The following PCDH15 variants were observed in gnomAD, a reference collection of about 807,000 sequenced individuals.
The protein encoded by PCDH15 is protocadherin-15.
In PCDH15, 129 loss-of-function variants were observed where a neutral mutation model predicts 178.5. The observed-to-expected ratio is 0.72, with a 90% CI of 0.63 to 0.84. The LOEUF (loss-of-function observed/expected upper bound fraction) is 0.84. Ranked by LOEUF, PCDH15 falls within the 40% of genes least tolerant of loss-of-function variation. PCDH15 has a pLI of 0.00. For synonymous variants in PCDH15, 800 were observed against 732.0 expected (o/e 1.09, Z -1.50); for missense variants, 2,230 against 2,099.9 (o/e 1.06, Z -1.21).
intron 21 of PCDH15, among the ~76,000 whole-genome samples, chr10:53,964,375 A>ATTT (rs1564875991): frequency 6.7e-6 from 1 of 148,634 alleles, no homozygotes; most frequent in Non-Finnish European, 1.5e-5. Context: ...TTTATAAAAA[A>ATTT]ATTTATTTAT....
intron 10 of PCDH15, among the ~76,000 whole-genome samples, chr10:54,202,188 C>T (rs1204132561): frequency 1.3e-5 from 2 of 152,094 alleles, no homozygotes; most frequent in Non-Finnish European, 2.9e-5. Context: ...ACTGTGTGTA[C>T]TCTTCCAGTC....
intron 2 of PCDH15, among the ~76,000 whole-genome samples, chr10:55,547,839 G>A (rs1841916982): frequency 6.7e-6 from 1 of 150,290 alleles, no homozygotes; most frequent in Non-Finnish European, 1.5e-5. Context: ...CTGCTACCTT[G>A]ATATCACTCT....
chr10:54,737,193 G>A lies in PCDH15; in HGVS notation c.-29+63732C>T, dbSNP rs117205289. Among the ~76,000 whole-genome samples, 955 of 152,112 alleles carry A rather than the reference G, an allele frequency of 6.3e-3. 5 individuals are homozygous for A. The highest frequency in any genetic ancestry group is 0.014 in the Middle Eastern group (4 of 294). On this transcript the variant is annotated intron_variant, in intron 1 of 37. Coordinates refer to ENST00000644397, the MANE Select transcript of PCDH15 (RefSeq NM_001384140.1). Reference sequence around the variant, plus strand: ...AACTGGCCAGAGGTCACTCATATTCGTTGCTCCAGGTGCTGGCGCTGACCC... The same window carrying A: ...AACTGGCCAGAGGTCACTCATATTCATTGCTCCAGGTGCTGGCGCTGACCC...
chr10:53,965,870 T>A (rs1227627142), intron 21 of PCDH15, among the ~76,000 whole-genome samples: 2 of 151,396 alleles, frequency 1.3e-5, no homozygotes, highest in Non-Finnish European at 2.9e-5. Flanking sequence ...AAAGCCAAAA[T>A]TTTTTTTTGC....
rs532553838 is a variant in PCDH15 at position 53,806,471 on chromosome 10, T to C, written c.*108A>G. On this transcript the variant is annotated 3_prime_UTR_variant, in exon 38 of 38. Coordinates refer to ENST00000644397, the MANE Select transcript of PCDH15 (RefSeq NM_001384140.1). ...AAAGCATATTGTTCAAAGTTTTAGC[T>C]TGTGTGCATGATATAAATTCCATAC... 8 of 942,626 alleles carry C rather than the reference T, an allele frequency of 8.5e-6. No homozygotes were observed. The highest frequency in any genetic ancestry group is 1.9e-5 in the South Asian group (1 of 53,078). The allele number at this position is 942,626 out of a possible 1,614,324, so 58.4% of individuals were successfully genotyped here.
At chr10:53,811,441 G>T in intron 36 of PCDH15, 108 bp downstream of exon 36, 1 of 646,366 alleles carries the variant, frequency 1.5e-6, no homozygotes, top group Non-Finnish European at 2.5e-6. Context: ...ATACTAGTGA[G>T]ATCGACATGA....
rs566444853 is a variant in PCDH15 at position 54,960,282 on chromosome 10, T to C, written c.-79-62782A>G. 2.6e-5 allele frequency among the ~76,000 whole-genome samples: 4 copies of C among 152,260 alleles called. No homozygotes were observed. In the East Asian group the frequency reaches 5.8e-4, roughly 22 times the overall value. Reference sequence around the variant, plus strand: ...ATTACATATAATATAGAAATAAAAATACCAGGCTGACTTACCTCAAGAGTC... The same window carrying C: ...ATTACATATAATATAGAAATAAAAACACCAGGCTGACTTACCTCAAGAGTC... On this transcript the variant is annotated intron_variant, in intron 2 of 5. Transcript: ENST00000458638.
intron 3 of PCDH15, among the ~76,000 whole-genome samples, chr10:54,420,404 C>T (rs924118240): frequency 3.3e-5 from 5 of 152,002 alleles, no homozygotes; most frequent in African/African-American, 4.8e-5. Flanking sequence ...TATAAATGTC[C>T]TTAAGCAAGA....
At chr10:53,957,347 C>T (rs932994074) in intron 23 of PCDH15, among the ~76,000 whole-genome samples, 4 of 152,044 alleles carry the variant, frequency 2.6e-5, no homozygotes, top group African/African-American at 9.7e-5. Context: ...TTATATCCGT[C>T]CTGTTCTTGA....
At chr10:54,122,491 G>A (rs142804099) in intron 15 of PCDH15, among the ~76,000 whole-genome samples, 2 of 151,882 alleles carry the variant, frequency 1.3e-5, no homozygotes, top group African/African-American at 4.8e-5. Context: ...CTCCTATTCA[G>A]GACAACACTG....
chr10:55,257,540 A>T (rs1842031062), intron 1 of PCDH15, among the ~76,000 whole-genome samples: 1 of 152,232 alleles, frequency 6.6e-6, no homozygotes, highest in African/African-American at 2.4e-5. Context: ...GACCTGATGG[A>T]GCTGAAAACT....
chr10:55,464,489 G>A (rs1364956729), intron 2 of PCDH15, among the ~76,000 whole-genome samples: 1 of 151,896 alleles, frequency 6.6e-6, no homozygotes, highest in African/African-American at 2.4e-5. Flanking sequence ...GTCCACCGAG[G>A]AGGTTTTAGC....
At chr10:55,368,676 A>G (rs1845423480) in intron 2 of PCDH15, among the ~76,000 whole-genome samples, 1 of 152,128 alleles carries the variant, frequency 6.6e-6, no homozygotes, top group African/African-American at 2.4e-5. Context: ...TGCCATATCT[A>G]CACAGTAAGA....
In PCDH15 at chr10:53,903,228, C is replaced by T. The variant is rs765864597; in HGVS notation, c.3501+15G>A. 10 of 1,611,816 alleles carry T rather than the reference C, an allele frequency of 6.2e-6. No individual in the cohort carries two copies. Among genetic ancestry groups the T allele is most frequent in the Non-Finnish European group, 8.5e-6 (10 of 1,178,878 alleles). On this transcript the variant is annotated intron_variant, in intron 26 of 37. Transcript: ENST00000644397. ...CTTTTACTTTAGTTCTGTATATTAA[C>T]ATAATTCCGCATACCTTCACTCTGA...
At chr10:54,867,087 C>T (rs143914077) in intron 3 of PCDH15, among the ~76,000 whole-genome samples, 108 of 152,178 alleles carry the variant, frequency 7.1e-4, no homozygotes, top group African/African-American at 2.4e-3. Context: ...ATAACAACTG[C>T]GGCTACCCAC....
chr10:54,918,912 T>C (rs923651726), intron 2 of PCDH15, among the ~76,000 whole-genome samples: 1 of 152,136 alleles, frequency 6.6e-6, no homozygotes, highest in African/African-American at 2.4e-5. Context: ...GAGCCTAACA[T>C]ACCTTAAACA....
intron 2 of PCDH15, among the ~76,000 whole-genome samples, chr10:54,610,624 CTT>C (rs1054496785): frequency 6.6e-6 from 1 of 151,874 alleles, no homozygotes; most frequent in Non-Finnish European, 1.5e-5. Flanking sequence ...AATATTCTGT[CTT>C]AGACTACTTA....
At chr10:55,412,401 C>G (rs575151889) in intron 2 of PCDH15, among the ~76,000 whole-genome samples, 1 of 151,882 alleles carries the variant, frequency 6.6e-6, no homozygotes, top group African/African-American at 2.4e-5. Context: ...GAAACTGTAC[C>G]TAGAATGCTT....
chr10:54,322,672 T>C (rs2061686271), intron 7 of PCDH15, among the ~76,000 whole-genome samples: 2 of 151,946 alleles, frequency 1.3e-5, no homozygotes, highest in South Asian at 2.1e-4. Flanking sequence ...CTGGACCAGA[T>C]AGACACACAG....
Sources: allele counts gnomAD v4.1 joint callset (sites outside exome capture counted in the v4.1 genomes callset), GRCh38; gene constraint gnomAD v4.1.1; transcripts MANE v1.5; gene names NCBI Gene and HGNC (gene_info 2026-07-23, HGNC 2026-07-21).